Variants in CAPN3 observed in about 807,000 individuals in gnomAD.
CAPN3 encodes the protein calpain 3.
CAPN3 carries 88 observed loss-of-function variants against 114.0 expected under a neutral mutation model. The ratio of observed to expected loss-of-function variants is 0.77; its 90% CI spans 0.65 to 0.92. The LOEUF (loss-of-function observed/expected upper bound fraction) is 0.92. CAPN3 is among the 40% of genes least tolerant of loss of function. The pLI, the probability that CAPN3 is intolerant of heterozygous loss-of-function variation, is 0.00. For missense variants in CAPN3, 1,028 were observed against 1,069.0 expected (o/e 0.96, Z 0.53); for synonymous variants, 386 against 382.9 (o/e 1.01, Z -0.09).
In CAPN3 at chr15:42,387,752, G is replaced by A. The variant is rs863224964; in HGVS notation, c.499-1G>A. ...ACTCTGTGCGTGACGCTTCTGTGCAGTTCTGGCGCTATGGAGAGTGGGTGG... is the reference window on the plus strand; with the variant it reads ...ACTCTGTGCGTGACGCTTCTGTGCAATTCTGGCGCTATGGAGAGTGGGTGG... On this transcript the variant is annotated splice_acceptor_variant, in intron 3 of 23. Transcript: ENST00000397163. LOFTEE classifies it high-confidence loss of function. The A allele has an allele frequency of 3.5e-5, 56 of 1,614,114 alleles. No homozygotes were observed. The highest frequency in any genetic ancestry group is 2.0e-4 in the Admixed American group (12 of 60,008).
In CAPN3 at chr15:42,412,211, AAACT is replaced by A; in HGVS notation, c.*443_*446del. The A allele has an allele frequency of 6.5e-7, 1 of 1,534,912 alleles. No individual in the cohort carries two copies. The highest frequency in any genetic ancestry group is 2.4e-5 in the East Asian group (1 of 40,916). On this transcript the variant is annotated 3_prime_UTR_variant, in exon 24 of 24. Coordinates refer to ENST00000397163, the MANE Select transcript of CAPN3 (RefSeq NM_000070.3). ...GCACTGGGTTCTACTGCTGTGGGGT[AAACT>A]AACTCAGTGGAATAGGGCTGGTTAC...
chr15:42,412,227 A>G lies in CAPN3; in HGVS notation c.*454A>G, dbSNP rs564190455. The G allele has an allele frequency of 6.6e-7, 1 of 1,524,618 alleles. No homozygotes were observed. Among genetic ancestry groups the G allele is most frequent in the African/African-American group, 1.4e-5 (1 of 72,854 alleles). The allele number at this position is 1,524,618 out of a possible 1,614,324, so 94.4% of individuals were successfully genotyped here. ...CTGTGGGGTAAACTAACTCAGTGGAATAGGGCTGGTTACTTTGGGCTGTCC... is the reference window on the plus strand; with the variant it reads ...CTGTGGGGTAAACTAACTCAGTGGAGTAGGGCTGGTTACTTTGGGCTGTCC... On this transcript the variant is annotated 3_prime_UTR_variant, in exon 24 of 24. Transcript: ENST00000397163.
chr15:42,407,155 C>T (rs2054047632), intron 15 of CAPN3, among the ~76,000 whole-genome samples: 2 of 152,146 alleles, frequency 1.3e-5, no homozygotes, highest in African/African-American at 2.4e-5. Flanking sequence ...CCGTCCTTTT[C>T]ATATCCTTGT....
Position 42,410,484 on chromosome 15 carries a change from T to A in CAPN3, c.2172T>A (p.Ile724=). 6.2e-7 allele frequency: 1 copy of A among 1,613,978 alleles called. No homozygotes were observed. Among genetic ancestry groups the A allele is most frequent in the African/African-American group, 1.3e-5 (1 of 74,982 alleles). ...LQEFHHLWNK[I]KAWQKIFKHY... ...AGTTCCACCACCTCTGGAACAAGAT[T>A]AAGGCCTGGCAGGTGGGAAGAGAAA... The change falls in exon 20 of 24, where the codon ATT becomes ATA. Residue 724 remains isoleucine, a synonymous_variant. Coordinates refer to ENST00000397163, the MANE Select transcript of CAPN3 (RefSeq NM_000070.3).
At position 42,402,268 on chromosome 15, in the gene CAPN3, T is replaced by C. The variant is rs28364491; in HGVS notation, c.1536+133T>C. ...GTGATAGGAGAGGGCCTTGCCTGTG[T>C]TATTTCCACTGCAGAGCAGGTGCCT... On this transcript the variant is annotated intron_variant, in intron 12 of 23. Transcript: ENST00000397163. 0.013 allele frequency: 21,219 copies of C among 1,597,750 alleles called. 1,293 individuals are homozygous for C. The African/African-American group carries it at 0.17, about 13-fold the overall frequency.
rs535078905 is a variant in CAPN3, at chr15:42,381,196, C to T, written c.310-3287C>T. The stretch of plus-strand genomic sequence containing the variant: ...TAAAATCAAGATTTTATTTTATCTT[C>T]ATTTATTTATTTCCTCTCCAGTGCT... On this transcript the variant is annotated intron_variant, in intron 1 of 23. Coordinates refer to ENST00000397163, the MANE Select transcript of CAPN3 (RefSeq NM_000070.3). 4.6e-5 allele frequency among the ~76,000 whole-genome samples: 7 copies of T among 152,116 alleles called. No individual in the cohort carries two copies. In the South Asian group the frequency reaches 1.5e-3, roughly 32 times the overall value.
chr15:42,362,096 G>A (rs113945208), intron 1 of CAPN3, among the ~76,000 whole-genome samples: 5,785 of 152,250 alleles, frequency 0.038, 338 homozygotes, highest in African/African-American at 0.12. Flanking sequence ...ATAGGCCTGC[G>A]TTCCCAGGCA....
chr15:42,410,683 G>A lies in CAPN3; in HGVS notation c.2263+17G>A, dbSNP rs1462123623. The A allele has an allele frequency of 2.5e-6, 4 of 1,608,526 alleles. No homozygotes were observed. In the East Asian group the frequency reaches 8.9e-5, roughly 36 times the overall value. The stretch of plus-strand genomic sequence containing the variant: ...ACGACGCAGGTGCTGAGAAGGAAGG[G>A]GTGGCAGGGATGTGGACCCGAGACG... On this transcript the variant is annotated intron_variant, in intron 21 of 23. Coordinates refer to ENST00000397163, the MANE Select transcript of CAPN3 (RefSeq NM_000070.3).
At chr15:42,388,894 G>A (rs1415941719) in intron 4 of CAPN3, 34 bp from the exon 5 acceptor site, 3 of 1,610,462 alleles carry the variant, frequency 1.9e-6, no homozygotes, top group East Asian at 4.5e-5. Flanking sequence ...CTGGAACTCT[G>A]TGACCCCAAA....
At chr15:42,385,660 G>A (rs1174265455) in intron 2 of CAPN3, 1 of 518,562 alleles carries the variant, frequency 1.9e-6, no homozygotes, top group African/African-American at 1.9e-5. Context: ...TGCCAGCAAT[G>A]TCTTACTGCC....
At chr15:42,401,958 CA>C in intron 11 of CAPN3, 148 bp downstream of exon 11, 1 of 1,333,830 alleles carries the variant, frequency 7.5e-7, no homozygotes, top group Non-Finnish European at 1.1e-6. Flanking sequence ...TTGTAACAAG[CA>C]AAAAATACCA....
rs374073070 is a variant in CAPN3, at chr15:42,389,889, C to A, written c.802-64C>A. The A allele has an allele frequency of 3.8e-6, 6 of 1,562,388 alleles. No individual in the cohort carries two copies. The Admixed American group carries it at 1.0e-4, about 26-fold the overall frequency. On this transcript the variant is annotated intron_variant, in intron 5 of 23. Coordinates refer to ENST00000397163, the MANE Select transcript of CAPN3 (RefSeq NM_000070.3). ...TCTTTCTCCTCTCTCCTTCCCTTTC[C>A]ACCCTTCTGTGTTTGTTCTCTCCCT... is the stretch of plus-strand genomic sequence containing the variant.
At chr15:42,391,242 GT>G (rs1566976566) in intron 6 of CAPN3, among the ~76,000 whole-genome samples, 1 of 151,434 alleles carries the variant, frequency 6.6e-6, no homozygotes, top group African/African-American at 2.4e-5. Flanking sequence ...GTTTTGTTTT[GT>G]TTTGCTACTA....
At chr15:42,397,622 C>T (rs1392925572) in intron 9 of CAPN3, among the ~76,000 whole-genome samples, 4 of 145,640 alleles carry the variant, frequency 2.7e-5, no homozygotes, top group Admixed American at 6.9e-5. Context: ...CCAGCCTGGG[C>T]GACAAGAGAG....
At chr15:42,376,553 T>G (rs1285767718) in intron 1 of CAPN3, among the ~76,000 whole-genome samples, 1 of 151,240 alleles carries the variant, frequency 6.6e-6, no homozygotes, top group Non-Finnish European at 1.5e-5. Flanking sequence ...TTTGTGGGTT[T>G]TTTTTTTTTT....
In CAPN3 at chr15:42,392,661, A is replaced by G. The variant is rs762863050; in HGVS notation, c.968A>G (p.Glu323Gly). The change falls in exon 7 of 24, where the codon GAG (glutamate) becomes GGG (glycine). Residue 323 changes from glutamate to glycine, a missense_variant. Transcript: ENST00000397163. ...PTRTIIPVQY[E>G]TRMACGLVRG... The stretch of plus-strand genomic sequence containing the variant: ...CAGACAATCATTCCGGTTCAGTATG[A>G]GACAAGAATGGCCTGCGGGCTGGTC... 18 of 1,613,810 alleles carry G rather than the reference A, an allele frequency of 1.1e-5. No individual in the cohort carries two copies. The highest frequency in any genetic ancestry group is 1.4e-5 in the Non-Finnish European group (16 of 1,179,880).
intron 1 of CAPN3, among the ~76,000 whole-genome samples, chr15:42,380,749 A>ATT (rs2053226229): frequency 3.2e-4 from 19 of 59,478 alleles, no homozygotes; most frequent in African/African-American, 1.8e-3. Flanking sequence ...ATATATATAT[A>ATT]TATTTTTTTT....
chr15:42,386,537 A>G (rs923701668), intron 3 of CAPN3, among the ~76,000 whole-genome samples: 5 of 152,000 alleles, frequency 3.3e-5, no homozygotes, highest in South Asian at 2.1e-4. Flanking sequence ...CTGTGGGTCT[A>G]TTTTTGTCTT....
chr15:42,399,351 A>G (rs1454615485), intron 9 of CAPN3, 141 bp from the exon 10 acceptor site: 2 of 690,528 alleles, frequency 2.9e-6, no homozygotes, highest in African/African-American at 3.6e-5. Flanking sequence ...TGCCCTAAAA[A>G]GGAAAGACAG....
Sources: gnomAD v4.1 joint callset for allele counts (sites outside exome capture counted in the v4.1 genomes callset) on GRCh38, gnomAD v4.1.1 for gene constraint, MANE v1.5 for transcripts, NCBI Gene and HGNC (gene_info 2026-07-23, HGNC 2026-07-21) for gene names.